RPH3A: variants seen among roughly 807,000 people sequenced by gnomAD.
RPH3A encodes the protein rabphilin-3A.
Under a neutral mutation model 102.2 loss-of-function variants are expected in RPH3A, and 48 were observed. The ratio of observed to expected loss-of-function variants is 0.47; its 90% CI spans 0.37 to 0.60. The LOEUF is 0.60. Ranked by LOEUF, RPH3A falls within the 20% of genes least tolerant of loss-of-function variation. The pLI, the probability that RPH3A is intolerant of heterozygous loss-of-function variation, is 0.00. For missense variants in RPH3A, 781 were observed against 910.1 expected, an observed-to-expected ratio of 0.86 and a Z score of 1.83; for synonymous variants, 310 against 324.3, an observed-to-expected ratio of 0.96 and a Z score of 0.47.
At chr12:112,595,120 CTG>C (rs1228378659) in intron 1 of RPH3A, among the ~76,000 whole-genome samples, 20 of 151,782 alleles carry the variant, frequency 1.3e-4, no homozygotes, top group Non-Finnish European at 2.8e-4. Context: ...CTTCACCTCT[CTG>C]TGCTTCCATT....
intron 3 of RPH3A, among the ~76,000 whole-genome samples, chr12:112,829,261 G>C (rs1446497516): frequency 6.7e-6 from 1 of 148,870 alleles, no homozygotes; most frequent in African/African-American, 2.5e-5. Flanking sequence ...TGCCCAAAGA[G>C]AAAGGCTTTT....
chr12:112,700,463 C>G (rs2040385683), intron 1 of RPH3A, among the ~76,000 whole-genome samples: 1 of 152,200 alleles, frequency 6.6e-6, no homozygotes, highest in Admixed American at 6.5e-5. Flanking sequence ...TCCTCCTATT[C>G]TCATGTAAGC....
In RPH3A at chr12:112,678,320, A is replaced by T; in HGVS notation, c.-140+103001A>T. ...AAGAAAGAAAGAGAGAGAGAGAGAA[A>T]GAAAGAAAGAAGGAAGGAAGGAAGG... On this transcript the variant is annotated intron_variant, in intron 1 of 21. Coordinates refer to the RPH3A transcript ENST00000543106. Among the ~76,000 whole-genome samples the T allele has an allele frequency of 4.1e-5, 2 of 49,080 alleles. 1 individual carries two copies. Among genetic ancestry groups the T allele is most frequent in the African/African-American group, 1.2e-4 (2 of 16,710 alleles). The allele number at this position is 49,080 out of a possible 152,430, so 32.2% of individuals were successfully genotyped here.
chr12:112,829,827 A>T (rs2041938333), intron 3 of RPH3A, among the ~76,000 whole-genome samples: 1 of 152,214 alleles, frequency 6.6e-6, no homozygotes, highest in African/African-American at 2.4e-5. Flanking sequence ...ATTAAAAAAA[A>T]GTTACTACAT....
At chr12:112,685,008 T>G (rs1240571696) in intron 1 of RPH3A, among the ~76,000 whole-genome samples, 1 of 152,210 alleles carries the variant, frequency 6.6e-6, no homozygotes, top group Admixed American at 6.5e-5. Flanking sequence ...TGAAGTGGCA[T>G]GATCATGGCC....
At chr12:112,693,864 A>C (rs1404299740) in intron 1 of RPH3A, among the ~76,000 whole-genome samples, 1 of 152,232 alleles carries the variant, frequency 6.6e-6, no homozygotes. Context: ...TTGGAACATA[A>C]GCTTCAGGAG....
chr12:112,890,206 T>G, intron 18 of RPH3A, 126 bp downstream of exon 18: 1 of 841,682 alleles, frequency 1.2e-6, no homozygotes, highest in South Asian at 1.5e-5. Context: ...CCTGTTGATT[T>G]GCCTTGAGAA....
At chr12:112,635,751 G>T (rs972381602) in intron 1 of RPH3A, among the ~76,000 whole-genome samples, 5 of 152,192 alleles carry the variant, frequency 3.3e-5, no homozygotes, top group African/African-American at 1.2e-4. Context: ...TCTACTTGCT[G>T]AACACTGGAA....
In RPH3A at chr12:112,741,873, G is replaced by T. The variant is rs187899958; in HGVS notation, c.-139-50270G>T. On this transcript the variant is annotated intron_variant, in intron 1 of 21. Coordinates refer to the RPH3A transcript ENST00000543106. Reference sequence around the variant, plus strand: ...TACACATAAGATATCATCTGATGGGGTTAGCGATTGTGCCTCTATAATCTA... The same window carrying T: ...TACACATAAGATATCATCTGATGGGTTTAGCGATTGTGCCTCTATAATCTA... Among the ~76,000 whole-genome samples, 730 of 152,250 alleles carry T rather than the reference G, an allele frequency of 4.8e-3. 4 individuals carry two copies. Among genetic ancestry groups the T allele is most frequent in the African/African-American group, 0.016 (657 of 41,532 alleles).
intron 1 of RPH3A, among the ~76,000 whole-genome samples, chr12:112,616,192 G>C (rs2135977357): frequency 1.3e-5 from 2 of 152,282 alleles, no homozygotes; most frequent in South Asian, 2.1e-4. Context: ...TGTCACTCAA[G>C]CTGGAGTGCA....
At chr12:112,639,670 C>T (rs532753184) in intron 1 of RPH3A, among the ~76,000 whole-genome samples, 1 of 152,112 alleles carries the variant, frequency 6.6e-6, no homozygotes, top group Non-Finnish European at 1.5e-5. Flanking sequence ...CCCCCTCCCC[C>T]CACAAAGATG....
rs935956838 is a variant in RPH3A at position 112,590,559 on chromosome 12, T to C, written c.-140+15240T>C. ...AGTGTCATGGAAATGGCTCATGGGGTGACTCAGATTTGGCTCAGGCTCAGG... is the reference window on the plus strand; with the variant it reads ...AGTGTCATGGAAATGGCTCATGGGGCGACTCAGATTTGGCTCAGGCTCAGG... On this transcript the variant is annotated intron_variant, in intron 1 of 21. Coordinates refer to the RPH3A transcript ENST00000543106. Among the ~76,000 whole-genome samples, 4 of 152,226 alleles carry C rather than the reference T, an allele frequency of 2.6e-5. 1 individual carries two copies.
At chr12:112,675,606 CT>C (rs1165793646) in intron 1 of RPH3A, among the ~76,000 whole-genome samples, 1 of 152,074 alleles carries the variant, frequency 6.6e-6, no homozygotes, top group Non-Finnish European at 1.5e-5. Flanking sequence ...TTTATTTTTG[CT>C]TTGCTTTATT....
At chr12:112,576,081 CG>C (rs1270583301) in intron 1 of RPH3A, among the ~76,000 whole-genome samples, 1 of 152,192 alleles carries the variant, frequency 6.6e-6, no homozygotes, top group Non-Finnish European at 1.5e-5. Flanking sequence ...ATCCTCACCA[CG>C]CTCCCTGAAC....
intron 1 of RPH3A, among the ~76,000 whole-genome samples, chr12:112,590,817 G>A (rs1268455798): frequency 6.6e-6 from 1 of 152,166 alleles, no homozygotes; most frequent in Admixed American, 6.5e-5. Flanking sequence ...AAAAAAATTA[G>A]TTAATTAAGA....
chr12:112,879,114 T>A lies in RPH3A; in HGVS notation c.1172-5T>A. 6.2e-7 allele frequency: 1 copy of A among 1,613,380 alleles called. No individual in the cohort carries two copies. Among genetic ancestry groups the A allele is most frequent in the Non-Finnish European group, 8.5e-7 (1 of 1,179,528 alleles). The stretch of plus-strand genomic sequence containing the variant: ...TATCTTGGTTCCTGTCTCTGCCCCC[T>A]TCAGCCACCCTGGGTGCCCTGGAAT... On this transcript the variant is annotated splice_region_variant and splice_polypyrimidine_tract_variant and intron_variant, in intron 13 of 21. Transcript: ENST00000389385.
At chr12:112,699,114 T>C (rs2040373868) in intron 1 of RPH3A, among the ~76,000 whole-genome samples, 1 of 151,996 alleles carries the variant, frequency 6.6e-6, no homozygotes, top group African/African-American at 2.4e-5. Flanking sequence ...AGAGATGGGG[T>C]TTCACCATGT....
chr12:112,598,522 C>G (rs1450070573), intron 1 of RPH3A, among the ~76,000 whole-genome samples: 2 of 152,046 alleles, frequency 1.3e-5, no homozygotes, highest in Non-Finnish European at 2.9e-5. Context: ...TTTGGCTGGT[C>G]TGAGTCTAGA....
At chr12:112,771,910 T>G (rs1271029099) in intron 1 of RPH3A, among the ~76,000 whole-genome samples, 1 of 152,196 alleles carries the variant, frequency 6.6e-6, no homozygotes, top group Non-Finnish European at 1.5e-5. Context: ...TGAGGGCAAG[T>G]GTAGTTTTGT....
Sources: gnomAD v4.1 joint callset for allele counts (sites outside exome capture counted in the v4.1 genomes callset) on GRCh38, gnomAD v4.1.1 for gene constraint, MANE v1.5 for transcripts, NCBI Gene and HGNC (gene_info 2026-07-23, HGNC 2026-07-21) for gene names.